CYFIP2: variants seen among roughly 807,000 people sequenced by gnomAD.
CYFIP2 encodes cytoplasmic FMR1 interacting protein 2, also known as cytoplasmic FMR1-interacting protein 2.
CYFIP2 carries 29 observed loss-of-function variants against 158.7 expected under a neutral mutation model. The ratio of observed to expected loss-of-function variants is 0.18; its 90% confidence interval spans 0.14 to 0.25. The LOEUF (loss-of-function observed/expected upper bound fraction) is 0.25. Among genes scored for constraint, CYFIP2 ranks in the 10% least tolerant of loss-of-function variants. CYFIP2 has a pLI of 1.00. For missense variants in CYFIP2, 852 were observed against 1,639.5 expected (o/e 0.52, Z 8.29); for synonymous variants, 585 against 617.6 (o/e 0.95, Z 0.78).
Position 157,315,233 on chromosome 5 carries a change from G to A in CYFIP2, c.1356+139G>A, listed in dbSNP as rs942296820. 25 of 1,195,364 alleles carry A rather than the reference G, an allele frequency of 2.1e-5. 2 individuals carry two copies. Among genetic ancestry groups the A allele is most frequent in the Admixed American group, 2.0e-4 (6 of 29,438 alleles). 74.0% of individuals were successfully genotyped at this position (1,195,364 alleles called of 1,614,324 possible). A position where few individuals can be genotyped will look rare whatever the true frequency, so the allele number is the denominator to read the frequency against. Reference sequence around the variant, plus strand: ...CCTGTCCTACCATCTAAATTAATCCGTCAGAAGTTATTCTGCTACTCAGAA... The same window carrying A: ...CCTGTCCTACCATCTAAATTAATCCATCAGAAGTTATTCTGCTACTCAGAA... On this transcript the variant is annotated intron_variant, in intron 13 of 30. Coordinates refer to ENST00000620254, the MANE Select transcript of CYFIP2 (RefSeq NM_001037333.3).
intron 3 of CYFIP2, among the ~76,000 whole-genome samples, chr5:157,292,399 AG>A (rs1219441233): frequency 1.3e-5 from 2 of 151,982 alleles, no homozygotes; most frequent in Non-Finnish European, 2.9e-5. Flanking sequence ...TTGTATTTTT[AG>A]TAGAAACAGG....
chr5:157,314,035 A>G (rs921161886), intron 11 of CYFIP2, among the ~76,000 whole-genome samples: 9 of 152,154 alleles, frequency 5.9e-5, no homozygotes, highest in Admixed American at 1.3e-4. Flanking sequence ...ACCAGCCTGG[A>G]CAACACAGTG....
At chr5:157,330,905 G>A (rs1581076261) in intron 20 of CYFIP2, 55 bp downstream of exon 20, 3 of 1,379,010 alleles carry the variant, frequency 2.2e-6, no homozygotes, top group East Asian at 2.3e-5. Flanking sequence ...GAGCAGCTGC[G>A]AAGTTAGCAT....
At chr5:157,343,466 AGGCAGG>A in intron 23 of CYFIP2, 1 of 1,609,580 alleles carries the variant, frequency 6.2e-7, no homozygotes, top group South Asian at 1.1e-5. Context: ...ATAGTCCTCC[AGGCAGG>A]GCTCCGAGGA....
At chr5:157,360,441 A>T in intron 25 of CYFIP2, 69 bp downstream of exon 25, 1 of 1,354,168 alleles carries the variant, frequency 7.4e-7, no homozygotes, top group Non-Finnish European at 1.0e-6. Context: ...TCCACCTTAG[A>T]GCGTTTGCTT....
At chr5:157,342,887 G>C in intron 23 of CYFIP2, 4 of 1,613,620 alleles carry the variant, frequency 2.5e-6, no homozygotes, top group Non-Finnish European at 3.4e-6. Context: ...AGGCAGTATA[G>C]CGGGTGGGTC....
chr5:157,317,231 C>CT (rs1321387948), intron 13 of CYFIP2, among the ~76,000 whole-genome samples: 2 of 151,874 alleles, frequency 1.3e-5, no homozygotes, highest in African/African-American at 4.8e-5. Context: ...CATTACTTTG[C>CT]TATACATTGG....
At chr5:157,369,609 C>G (rs1764776556) in intron 26 of CYFIP2, among the ~76,000 whole-genome samples, 1 of 152,170 alleles carries the variant, frequency 6.6e-6, no homozygotes, top group African/African-American at 2.4e-5. Context: ...GTGAGCCTTA[C>G]CAGTAACTGC....
intron 8 of CYFIP2, among the ~76,000 whole-genome samples, chr5:157,305,618 C>A (rs945841587): frequency 6.6e-6 from 1 of 152,198 alleles, no homozygotes; most frequent in African/African-American, 2.4e-5. Flanking sequence ...TCAAGCGATC[C>A]TCCCACCTCA....
At chr5:157,317,890 T>C (rs1308122503) in intron 13 of CYFIP2, among the ~76,000 whole-genome samples, 3 of 152,184 alleles carry the variant, frequency 2.0e-5, no homozygotes, top group African/African-American at 7.2e-5. Flanking sequence ...CTCCACAAGC[T>C]CTCTTCTTTC....
intron 1 of CYFIP2, among the ~76,000 whole-genome samples, chr5:157,268,643 A>G (rs1755821423): frequency 6.6e-6 from 1 of 152,232 alleles, no homozygotes; most frequent in African/African-American, 2.4e-5. Context: ...GGGTCCACCA[A>G]AAGCGTCACA....
chr5:157,319,660 T>C, intron 13 of CYFIP2, 102 bp from the exon 14 acceptor site: 1 of 1,441,870 alleles, frequency 6.9e-7, no homozygotes, highest in Non-Finnish European at 9.4e-7. Context: ...CTCATGCCTC[T>C]GGACATCTCA....
intron 10 of CYFIP2, 48 bp downstream of exon 10, chr5:157,309,882 C>A: frequency 6.5e-7 from 1 of 1,535,766 alleles, no homozygotes; most frequent in South Asian, 1.2e-5. Flanking sequence ...GATGCCCAGC[C>A]CGGGCAGAGA....
chr5:157,288,758 T>C, intron 3 of CYFIP2: 1 of 394,700 alleles, frequency 2.5e-6, no homozygotes, highest in South Asian at 1.9e-5. Context: ...AAGTGACAGC[T>C]CTAGATCAAG....
intron 20 of CYFIP2, among the ~76,000 whole-genome samples, chr5:157,331,069 A>G (rs1761421174): frequency 6.6e-6 from 1 of 152,114 alleles, no homozygotes; most frequent in Non-Finnish European, 1.5e-5. Flanking sequence ...ACCCATCTAT[A>G]GCCAACCTCT....
chr5:157,369,828 T>C (rs971067227), intron 26 of CYFIP2, among the ~76,000 whole-genome samples: 1 of 152,024 alleles, frequency 6.6e-6, no homozygotes, highest in Non-Finnish European at 1.5e-5. Context: ...TTAAAAATTC[T>C]GATCTCTGAG....
At chr5:157,307,379 G>T (rs1406389648) in intron 8 of CYFIP2, among the ~76,000 whole-genome samples, 2 of 152,156 alleles carry the variant, frequency 1.3e-5, no homozygotes, top group Non-Finnish European at 2.9e-5. Flanking sequence ...CTGCTGCTTC[G>T]CTGTGTGGCC....
At chr5:157,365,991 G>A (rs879594255) in intron 26 of CYFIP2, among the ~76,000 whole-genome samples, 3 of 152,006 alleles carry the variant, frequency 2.0e-5, no homozygotes, top group Non-Finnish European at 4.4e-5. Flanking sequence ...GTGTTTTGGT[G>A]TATAGATGCT....
chr5:157,311,573 C>T lies in CYFIP2; in HGVS notation c.993-91C>T. 1 of 1,180,416 alleles carries T rather than the reference C, an allele frequency of 8.5e-7. No homozygotes were observed. The highest frequency in any genetic ancestry group is 1.2e-6 in the Non-Finnish European group (1 of 830,532). The allele number at this position is 1,180,416 out of a possible 1,614,324, so 73.1% of individuals were successfully genotyped here. On this transcript the variant is annotated intron_variant, in intron 10 of 30. Transcript: ENST00000620254. This position sits in a 1 kb window ranked among gnomAD's most constrained non-coding sequence, Gnocchi z 4.7. ...TTTGGTGTCACCCAGGGGAGTTGGC[C>T]ACGTGGGCTGAGCACCAGGAGCAGC...
Sources: allele counts gnomAD v4.1 joint callset (sites outside exome capture counted in the v4.1 genomes callset), GRCh38; gene constraint gnomAD v4.1.1; non-coding constraint Gnocchi (gnomAD v3.1); transcripts MANE v1.5; gene names NCBI Gene and HGNC (gene_info 2026-07-23, HGNC 2026-07-21).